Variants in PDE10A observed in about 807,000 individuals in gnomAD.
PDE10A encodes cAMP and cAMP-inhibited cGMP 3',5'-cyclic phosphodiesterase 10A.
PDE10A carries 39 observed loss-of-function variants against 97.7 expected under a neutral mutation model. The observed-to-expected ratio is 0.40, with a 90% CI of 0.31 to 0.52. The LOEUF is 0.52. PDE10A is among the 20% of genes least tolerant of loss of function. The pLI, the probability that PDE10A is intolerant of heterozygous loss-of-function variation, is 0.56. For missense variants in PDE10A, 731 were observed against 1,047.8 expected (o/e 0.70, Z 4.17); for synonymous variants, 371 against 376.8 (o/e 0.98, Z 0.18).
chr6:165,932,539 T>C (rs1355244082), intron 1 of PDE10A, among the ~76,000 whole-genome samples: 2 of 152,198 alleles, frequency 1.3e-5, no homozygotes, highest in African/African-American at 4.8e-5. Flanking sequence ...TTTCACCATA[T>C]TGGTCAGGCT....
At chr6:165,474,736 CTT>C (rs201306567) in intron 3 of PDE10A, among the ~76,000 whole-genome samples, 1,811 of 152,244 alleles carry the variant, frequency 0.012, 139 homozygotes, top group Admixed American at 0.11. Context: ...TAATTCCACT[CTT>C]AGTATTTGTA....
At chr6:165,450,122 G>T in intron 4 of PDE10A, 120 bp downstream of exon 4, 1 of 659,062 alleles carries the variant, frequency 1.5e-6, no homozygotes, top group Non-Finnish European at 2.6e-6. Context: ...TTGAAATTTA[G>T]TCCAGAAATA....
At chr6:165,383,231 A>G (rs921040388) in intron 17 of PDE10A, among the ~76,000 whole-genome samples, 2 of 152,204 alleles carry the variant, frequency 1.3e-5, no homozygotes, top group African/African-American at 4.8e-5. Context: ...AATTTTGACT[A>G]TTTTTAAAGT....
At chr6:165,376,809 C>T (rs750707683) in intron 18 of PDE10A, among the ~76,000 whole-genome samples, 1 of 152,162 alleles carries the variant, frequency 6.6e-6, no homozygotes, top group Non-Finnish European at 1.5e-5. Flanking sequence ...GTCCTAGCTA[C>T]TCAGGAGGTT....
At chr6:165,380,408 A>C (rs1010053568) in intron 17 of PDE10A, among the ~76,000 whole-genome samples, 3 of 152,218 alleles carry the variant, frequency 2.0e-5, no homozygotes, top group Non-Finnish European at 4.4e-5. Context: ...CTTAAATGAA[A>C]TTGTACATGC....
At chr6:165,794,808 C>T (rs1363605813) in intron 1 of PDE10A, among the ~76,000 whole-genome samples, 3 of 152,174 alleles carry the variant, frequency 2.0e-5, no homozygotes, top group African/African-American at 4.8e-5. Flanking sequence ...GAAGGGATGA[C>T]TTTATCGTTT....
intron 8 of PDE10A, among the ~76,000 whole-genome samples, chr6:165,431,102 G>A (rs1379592056): frequency 6.6e-6 from 1 of 152,044 alleles, no homozygotes; most frequent in Non-Finnish European, 1.5e-5. Context: ...TGCAACTCCA[G>A]TAGGAGATTG....
At chr6:165,869,338 T>C (rs1250328469) in intron 1 of PDE10A, among the ~76,000 whole-genome samples, 2 of 124,230 alleles carry the variant, frequency 1.6e-5, no homozygotes, top group Non-Finnish European at 3.3e-5. Context: ...CAGTCTCATT[T>C]ATAATACTAC....
intron 2 of PDE10A, among the ~76,000 whole-genome samples, chr6:165,523,556 G>A (rs1366767135): frequency 6.6e-6 from 1 of 152,058 alleles, no homozygotes; most frequent in Non-Finnish European, 1.5e-5. Flanking sequence ...TGTATTAACT[G>A]GCTAGCTATA....
At chr6:165,817,184 G>T (rs1172564590) in intron 1 of PDE10A, among the ~76,000 whole-genome samples, 1 of 152,100 alleles carries the variant, frequency 6.6e-6, no homozygotes, top group Non-Finnish European at 1.5e-5. Flanking sequence ...TCTTCTCCCA[G>T]CAGGCCAGAG....
chr6:165,342,645 A>G (rs1419827716), intron 19 of PDE10A, among the ~76,000 whole-genome samples: 1 of 152,204 alleles, frequency 6.6e-6, no homozygotes, highest in Admixed American at 6.5e-5. Flanking sequence ...TTGTCCTCCA[A>G]ATTTACTTTT....
At chr6:165,727,005 C>G (rs1792315141) in intron 1 of PDE10A, among the ~76,000 whole-genome samples, 1 of 152,162 alleles carries the variant, frequency 6.6e-6, no homozygotes, top group Non-Finnish European at 1.5e-5. Context: ...CCACCCTCCT[C>G]GCGTGGGGGG....
intron 1 of PDE10A, among the ~76,000 whole-genome samples, chr6:165,614,553 C>T (rs1010123866): frequency 6.6e-6 from 1 of 152,180 alleles, no homozygotes; most frequent in Admixed American, 6.5e-5. Context: ...TCTTACTTGC[C>T]ATTTAAGCCT....
intron 1 of PDE10A, among the ~76,000 whole-genome samples, chr6:165,620,557 A>G (rs1788077401): frequency 6.6e-6 from 1 of 150,756 alleles, no homozygotes; most frequent in Non-Finnish European, 1.5e-5. Flanking sequence ...CTAAGGGAAG[A>G]GAGAAAACGA....
intron 1 of PDE10A, among the ~76,000 whole-genome samples, chr6:165,974,279 A>T (rs1424515031): frequency 6.6e-6 from 1 of 152,252 alleles, no homozygotes; most frequent in Non-Finnish European, 1.5e-5. Context: ...AACGACTGCA[A>T]GAATGTGCAT....
At chr6:165,703,468 G>A (rs928272948) in intron 1 of PDE10A, among the ~76,000 whole-genome samples, 4 of 152,210 alleles carry the variant, frequency 2.6e-5, no homozygotes, top group African/African-American at 9.7e-5. Context: ...TGCTGCTAAT[G>A]TACTTTCCTC....
At chr6:165,799,160 A>C (rs1238869138) in intron 1 of PDE10A, among the ~76,000 whole-genome samples, 1 of 152,242 alleles carries the variant, frequency 6.6e-6, no homozygotes, top group African/African-American at 2.4e-5. Context: ...TGGGATTCCC[A>C]TGGTGGCCAG....
At chr6:165,412,105 A>T (rs1458910536) in intron 13 of PDE10A, among the ~76,000 whole-genome samples, 1 of 152,026 alleles carries the variant, frequency 6.6e-6, no homozygotes, top group Non-Finnish European at 1.5e-5. Context: ...AATACATAAT[A>T]CCACCACAAT....
At chr6:165,763,231 C>T (rs1448036740) in intron 1 of PDE10A, among the ~76,000 whole-genome samples, 1 of 152,194 alleles carries the variant, frequency 6.6e-6, no homozygotes, top group African/African-American at 2.4e-5. Context: ...GGTGCCCCTG[C>T]TCGCCTCGTT....
Sources: allele counts gnomAD v4.1 joint callset (sites outside exome capture counted in the v4.1 genomes callset), GRCh38; gene constraint gnomAD v4.1.1; transcripts MANE v1.5; gene names NCBI Gene and HGNC (gene_info 2026-07-23, HGNC 2026-07-21).